CSMD2: variants seen among roughly 807,000 people sequenced by gnomAD.
CSMD2 encodes the protein CUB and Sushi multiple domains 2.
In CSMD2, 130 loss-of-function variants were observed where a neutral mutation model predicts 398.5. The ratio of observed to expected loss-of-function variants is 0.33; its 90% CI spans 0.28 to 0.38. The LOEUF (loss-of-function observed/expected upper bound fraction) is 0.38, where lower values mean the gene tolerates loss of function less well. Among genes scored for constraint, CSMD2 ranks in the 10% least tolerant of loss-of-function variants. CSMD2 has a pLI of 1.00. For missense variants in CSMD2, 3,829 were observed against 4,764.9 expected (o/e 0.80, Z 5.78); for synonymous variants, 1,828 against 1,908.5 (o/e 0.96, Z 1.10).
intron 3 of CSMD2, among the ~76,000 whole-genome samples, chr1:33,979,843 A>G (rs1646101413): frequency 6.6e-6 from 1 of 152,168 alleles, no homozygotes; most frequent in South Asian, 2.1e-4. Context: ...TAGCTGTGTG[A>G]CCTTGGGCAA....
intron 57 of CSMD2, among the ~76,000 whole-genome samples, chr1:33,544,971 C>T (rs1354354053): frequency 6.6e-6 from 1 of 152,064 alleles, no homozygotes; most frequent in Non-Finnish European, 1.5e-5. Flanking sequence ...TCTGTGCCCA[C>T]AACTAGGTAG....
chr1:34,106,070 T>G (rs2053217), intron 1 of CSMD2, among the ~76,000 whole-genome samples: 64,368 of 151,854 alleles, frequency 0.42, 14,157 homozygotes, highest in East Asian at 0.68. Flanking sequence ...GTTCCAGGGT[T>G]TATAGGTGGG....
chr1:33,906,493 T>A (rs951482172), intron 5 of CSMD2, among the ~76,000 whole-genome samples: 2 of 152,076 alleles, frequency 1.3e-5, no homozygotes, highest in East Asian at 3.9e-4. Flanking sequence ...ATTCAGGCAG[T>A]GGTAGAAAGG....
In CSMD2 at chr1:33,521,465, A is replaced by C. The variant is rs1217679095; in HGVS notation, c.10595T>G (p.Leu3532Arg). The C allele has an allele frequency of 6.2e-6, 9 of 1,460,232 alleles. No homozygotes were observed. In the South Asian group the frequency reaches 9.1e-5, roughly 15 times the overall value. The allele number at this position is 1,460,232 out of a possible 1,614,324, so 90.5% of individuals were successfully genotyped here. A position where few individuals can be genotyped will look rare whatever the true frequency, so the allele number is the denominator to read the frequency against. The change falls in exon 68 of 71, where the codon CTG (leucine) becomes CGG (arginine). Residue 3532 changes from leucine to arginine, a missense_variant and splice_region_variant. Leu to Arg is a moderately radical substitution (Grantham distance 102). Transcript: ENST00000373381. ...QGFGQFGFQR[L>R]DLRLLESDPE... ...TCCGGGGGACAAGCACTAGTTACCC[A>C]GTCTTTGAAAGCCGAACTGCCCAAA... is the stretch of plus-strand genomic sequence containing the variant.
In CSMD2 at chr1:33,524,981, T is replaced by C; in HGVS notation, c.10297A>G (p.Lys3433Glu). The C allele has an allele frequency of 6.2e-7, 1 of 1,614,232 alleles. No homozygotes were observed. Among genetic ancestry groups the C allele is most frequent in the Non-Finnish European group, 8.5e-7 (1 of 1,180,026 alleles). ...GTCACTCTGAGCATGGCTGGCTGCT[T>C]CTTCCCCTGGTATTCATAGGCCCCT... ...WKGAYEYQGK[K>E]QPAMLRVTGF... Residue 3433 changes from lysine to glutamate, a missense_variant, in exon 66 of 71, where the codon AAG (lysine) becomes GAG (glutamate). Physicochemically the swap from Lys to Glu is moderately conservative, Grantham distance 56 (BLOSUM62 1). Transcript: ENST00000373381.
chr1:33,570,323 A>G (rs1570767872), intron 51 of CSMD2, among the ~76,000 whole-genome samples: 1 of 137,838 alleles, frequency 7.3e-6, no homozygotes, highest in East Asian at 2.1e-4. Context: ...GGGCACCACC[A>G]TGCTGGCTAA....
At chr1:33,985,413 C>T (rs1053881373) in intron 3 of CSMD2, among the ~76,000 whole-genome samples, 2 of 152,200 alleles carry the variant, frequency 1.3e-5, no homozygotes, top group Non-Finnish European at 2.9e-5. Flanking sequence ...GGCCCTGAGG[C>T]TGCCCAGGCT....
intron 25 of CSMD2, among the ~76,000 whole-genome samples, chr1:33,686,470 G>C (rs1029750151): frequency 6.6e-6 from 1 of 152,200 alleles, no homozygotes; most frequent in Non-Finnish European, 1.5e-5. Flanking sequence ...GCCAGATGCT[G>C]TAGGTATTAC....
chr1:33,522,109 G>C (rs1213356904), intron 67 of CSMD2, among the ~76,000 whole-genome samples: 1 of 152,164 alleles, frequency 6.6e-6, no homozygotes, highest in Non-Finnish European at 1.5e-5. Context: ...ATGCTCATGT[G>C]ACAGATGCAG....
rs527895888 is a variant in CSMD2, at chr1:33,642,382, CAACA to C, written c.4774+4262_4774+4265del. On this transcript the variant is annotated intron_variant, in intron 29 of 70. Transcript: ENST00000373381. ...AAAAAAAAAGGAAAGAAAACAACAA[CAACA>C]AACAAACAAACAAACAAAAAAAGTC... 1.0e-3 allele frequency among the ~76,000 whole-genome samples: 151 copies of C among 145,580 alleles called. 2 individuals are homozygous for C. The highest frequency in any genetic ancestry group is 1.4e-3 in the Non-Finnish European group (92 of 66,256).
At chr1:33,902,733 C>G (rs1486584766) in intron 5 of CSMD2, among the ~76,000 whole-genome samples, 1 of 152,184 alleles carries the variant, frequency 6.6e-6, no homozygotes, top group Non-Finnish European at 1.5e-5. Flanking sequence ...AAGCCACATG[C>G]AGGACTGGCT....
chr1:33,679,438 G>A (rs1045300258), intron 25 of CSMD2, among the ~76,000 whole-genome samples: 3 of 152,078 alleles, frequency 2.0e-5, no homozygotes, highest in African/African-American at 7.2e-5. Context: ...CTGACCTCGT[G>A]ATCCACCCAC....
At chr1:33,986,683 C>A (rs1375042528) in intron 3 of CSMD2, among the ~76,000 whole-genome samples, 2 of 152,232 alleles carry the variant, frequency 1.3e-5, no homozygotes, top group East Asian at 3.9e-4. Flanking sequence ...AGTCTGCTCT[C>A]CTGGCTTCAA....
At chr1:33,694,892 C>T (rs575550853) in intron 24 of CSMD2, among the ~76,000 whole-genome samples, 1 of 152,302 alleles carries the variant, frequency 6.6e-6, no homozygotes, top group African/African-American at 2.4e-5. Context: ...CCTCTGCTGG[C>T]TGCCAGGACA....
intron 64 of CSMD2, among the ~76,000 whole-genome samples, chr1:33,530,784 C>T (rs976354501): frequency 2.6e-5 from 4 of 152,150 alleles, no homozygotes; most frequent in Non-Finnish European, 4.4e-5. Flanking sequence ...GAAATTCTGC[C>T]ATTTGTGACC....
At chr1:34,001,878 G>A (rs953854172) in intron 3 of CSMD2, among the ~76,000 whole-genome samples, 2 of 152,068 alleles carry the variant, frequency 1.3e-5, no homozygotes. Flanking sequence ...TTCAATGCAG[G>A]GGTGGTTAAT....
chr1:33,679,110 G>A (rs1356912298), intron 25 of CSMD2, among the ~76,000 whole-genome samples: 1 of 152,092 alleles, frequency 6.6e-6, no homozygotes, highest in Non-Finnish European at 1.5e-5. Flanking sequence ...TTCTGTGAGG[G>A]GCCAATGTAT....
intron 57 of CSMD2, among the ~76,000 whole-genome samples, chr1:33,545,370 A>G (rs1656776517): frequency 6.6e-6 from 1 of 152,218 alleles, no homozygotes; most frequent in African/African-American, 2.4e-5. Context: ...GAGGGCCTAG[A>G]TTACTTTGAG....
chr1:34,081,402 TTCCCCC>T (rs1380877704), intron 2 of CSMD2, among the ~76,000 whole-genome samples: 11 of 151,366 alleles, frequency 7.3e-5, no homozygotes, highest in Admixed American at 6.6e-4. Flanking sequence ...GTCCCTCTCC[TTCCCCC>T]TCCCCCTCCC....
Sources: gnomAD v4.1 joint callset for allele counts (sites outside exome capture counted in the v4.1 genomes callset) on GRCh38, gnomAD v4.1.1 for gene constraint, MANE v1.5 for transcripts, NCBI Gene and HGNC (gene_info 2026-07-23, HGNC 2026-07-21) for gene names.